PRKCZ: variants seen among roughly 807,000 people sequenced by gnomAD.
The protein encoded by PRKCZ is protein kinase C zeta.
A neutral mutation model predicts 79.5 loss-of-function variants in PRKCZ; 33 were observed. The observed-to-expected ratio is 0.41, with a 90% CI of 0.31 to 0.55. The LOEUF (loss-of-function observed/expected upper bound fraction) is 0.55, where lower values mean the gene tolerates loss of function less well. Ranked by LOEUF, PRKCZ falls within the 20% of genes least tolerant of loss-of-function variation. PRKCZ has a pLI of 0.19. For synonymous variants in PRKCZ, 342 were observed against 320.9 expected (o/e 1.07, Z -0.70); for missense variants, 578 against 813.5 (o/e 0.71, Z 3.52).
chr1:2,183,513 G>GT (rs1687055974), intron 16 of PRKCZ: 2 of 152,312 alleles, frequency 1.3e-5, no homozygotes, highest in Admixed American at 1.3e-4. Flanking sequence ...ATGGGAGTGG[G>GT]TTAGAGAGTG....
intron 4 of PRKCZ, chr1:2,111,655 G>A (rs918840607): frequency 2.0e-5 from 3 of 152,278 alleles, no homozygotes; most frequent in African/African-American, 7.2e-5. Flanking sequence ...TGAGGAACTG[G>A]CGGGGCTGCT....
At chr1:2,157,085 C>T (rs778895416) in intron 10 of PRKCZ, among the ~76,000 whole-genome samples, 6 of 152,192 alleles carry the variant, frequency 3.9e-5, no homozygotes, top group Non-Finnish European at 7.3e-5. Flanking sequence ...GCTTCCAGTC[C>T]GGGTCTGAAG....
At chr1:2,142,716 G>A in intron 5 of PRKCZ, 1 of 163,246 alleles carries the variant, frequency 6.1e-6, no homozygotes. Context: ...TGATGCATGT[G>A]TGTTTTCTTA....
At position 2,172,797 on chromosome 1, in the gene PRKCZ, C is replaced by T. The variant is rs1032741351; in HGVS notation, c.1285+409C>T. Among the ~76,000 whole-genome samples, 3 of 152,202 alleles carry T rather than the reference C, an allele frequency of 2.0e-5. No individual in the cohort carries two copies. Among genetic ancestry groups the T allele is most frequent in the East Asian group, 1.9e-4 (1 of 5,194 alleles). ...CCACAGGCCCTGCGGCTGAGGACGC[C>T]GTGCACACCAGAGTGTTTCTGCTCC... On this transcript the variant is annotated intron_variant, in intron 13 of 17. Coordinates refer to ENST00000378567, the MANE Select transcript of PRKCZ (RefSeq NM_002744.6). This position sits in a 1 kb window ranked among gnomAD's most constrained non-coding sequence, Gnocchi z 7.8.
intron 4 of PRKCZ, among the ~76,000 whole-genome samples, chr1:2,084,378 C>T (rs1040022390): frequency 6.6e-6 from 1 of 151,294 alleles, no homozygotes; most frequent in Non-Finnish European, 1.5e-5. Context: ...GTGCTGTCCG[C>T]TTCGGATTAT....
In PRKCZ at chr1:2,178,561, G is replaced by T. The variant is rs1238139235; in HGVS notation, c.1575+3248G>T. Among the ~76,000 whole-genome samples, 1 of 152,214 alleles carries T rather than the reference G, an allele frequency of 6.6e-6. No homozygotes were observed. The highest frequency in any genetic ancestry group is 1.5e-5 in the Non-Finnish European group (1 of 68,042). ...TGTGAACCCGCTTCTGGGTGGACACGTGTTTATTTCTCTTGGGCACGTGCT... is the reference window on the plus strand; with the variant it reads ...TGTGAACCCGCTTCTGGGTGGACACTTGTTTATTTCTCTTGGGCACGTGCT... On this transcript the variant is annotated intron_variant, in intron 16 of 17. Coordinates refer to ENST00000378567, the MANE Select transcript of PRKCZ (RefSeq NM_002744.6). The surrounding 1 kb of genome is among the most constrained non-coding windows in gnomAD (Gnocchi z 4.3).
At chr1:2,064,882 A>G (rs1360668839) in intron 4 of PRKCZ, among the ~76,000 whole-genome samples, 1 of 152,244 alleles carries the variant, frequency 6.6e-6, no homozygotes, top group African/African-American at 2.4e-5. Context: ...CTATTTCTGC[A>G]AAAAACATTA....
chr1:2,096,224 C>T (rs1041436977), intron 4 of PRKCZ, among the ~76,000 whole-genome samples: 16 of 151,910 alleles, frequency 1.1e-4, no homozygotes, highest in Admixed American at 3.3e-4. Flanking sequence ...TTCATCCCTC[C>T]GATCGGGCAG....
In PRKCZ at chr1:2,173,596, G is replaced by A. The variant is rs746061646; in HGVS notation, c.1286-301G>A. Among the ~76,000 whole-genome samples, 1 of 152,254 alleles carries A rather than the reference G, an allele frequency of 6.6e-6. No individual in the cohort carries two copies. The highest frequency in any genetic ancestry group is 1.5e-5 in the Non-Finnish European group (1 of 68,044). ...GTAGAAGCAGAAACGAGAGAGGAGGGTCGTCCGCAGGTTCCACCAGTGCCT... is the reference window on the plus strand; with the variant it reads ...GTAGAAGCAGAAACGAGAGAGGAGGATCGTCCGCAGGTTCCACCAGTGCCT... On this transcript the variant is annotated intron_variant, in intron 13 of 17. Coordinates refer to ENST00000378567, the MANE Select transcript of PRKCZ (RefSeq NM_002744.6). This position sits in a 1 kb window ranked among gnomAD's most constrained non-coding sequence, Gnocchi z 5.7.
rs1445464955 is a variant in PRKCZ, at chr1:2,172,462, G to C, written c.1285+74G>C. On this transcript the variant is annotated intron_variant, in intron 13 of 17. Coordinates refer to ENST00000378567, the MANE Select transcript of PRKCZ (RefSeq NM_002744.6). This position sits in a 1 kb window ranked among gnomAD's most constrained non-coding sequence, Gnocchi z 7.8. Reference sequence around the variant, plus strand: ...GGCTTCGGGCCTGGCCCAGCAGCCAGGGAGAGGTGTCCTTGACCATCTTAC... The same window carrying C: ...GGCTTCGGGCCTGGCCCAGCAGCCACGGAGAGGTGTCCTTGACCATCTTAC... The C allele has an allele frequency of 1.4e-6, 2 of 1,465,622 alleles. No homozygotes were observed. Among genetic ancestry groups the C allele is most frequent in the Non-Finnish European group, 1.8e-6 (2 of 1,083,956 alleles). 90.8% of individuals were successfully genotyped at this position (1,465,622 alleles called of 1,614,324 possible). A position where few individuals can be genotyped will look rare whatever the true frequency, so the allele number is the denominator to read the frequency against.
chr1:2,122,930 C>T (rs796245302), intron 4 of PRKCZ, among the ~76,000 whole-genome samples: 1 of 1,198 alleles, frequency 8.3e-4, no homozygotes, highest in Non-Finnish European at 1.2e-3. Flanking sequence ...GTTAGGGTCA[C>T]GGCGGTGGTT....
intron 11 of PRKCZ, chr1:2,171,729 TC>T (rs1272551665): frequency 9.6e-6 from 3 of 313,346 alleles, no homozygotes; most frequent in Non-Finnish European, 1.2e-5. Flanking sequence ...TGTTCTGCAC[TC>T]CTACCACAAC....
intron 4 of PRKCZ, among the ~76,000 whole-genome samples, chr1:2,066,326 T>A (rs758134222): frequency 1.3e-5 from 2 of 152,214 alleles, no homozygotes; most frequent in Non-Finnish European, 2.9e-5. Flanking sequence ...CATCAGTCCC[T>A]GGGCTTTGCT....
chr1:2,153,247 T>C (rs767223326), intron 9 of PRKCZ, among the ~76,000 whole-genome samples: 19 of 152,372 alleles, frequency 1.2e-4, no homozygotes, highest in Admixed American at 1.2e-3. Flanking sequence ...TGTTGGCTTC[T>C]GGTATTTTTG....
intron 9 of PRKCZ, among the ~76,000 whole-genome samples, chr1:2,152,720 G>A (rs1471588753): frequency 2.0e-5 from 3 of 152,176 alleles, no homozygotes; most frequent in Admixed American, 6.5e-5. Context: ...TTCTTCCTCT[G>A]CGGACTTCCG....
intron 10 of PRKCZ, among the ~76,000 whole-genome samples, chr1:2,159,568 G>T (rs1304390971): frequency 6.6e-6 from 1 of 152,240 alleles, no homozygotes; most frequent in Non-Finnish European, 1.5e-5. Context: ...GGGTCTGTGA[G>T]TGGGGAAGAA....
At chr1:2,103,697 A>G (rs2102614806) in intron 4 of PRKCZ, among the ~76,000 whole-genome samples, 1 of 152,326 alleles carries the variant, frequency 6.6e-6, no homozygotes, top group East Asian at 1.9e-4. Context: ...GCAACACTGC[A>G]CTCTGGCCTG....
At chr1:2,111,717 A>G (rs1464559405) in intron 4 of PRKCZ, 1 of 152,300 alleles carries the variant, frequency 6.6e-6, no homozygotes, top group Non-Finnish European at 1.5e-5. Context: ...TCGACTCCCC[A>G]CCAGCCAGAC....
intron 4 of PRKCZ, chr1:2,133,852 G>A (rs1329538474): frequency 6.6e-6 from 1 of 152,384 alleles, no homozygotes; most frequent in Non-Finnish European, 1.5e-5. Flanking sequence ...ACCTGCCGTA[G>A]GCTGGTTAGG....
Sources: allele counts gnomAD v4.1 joint callset (sites outside exome capture counted in the v4.1 genomes callset), GRCh38; gene constraint gnomAD v4.1.1; non-coding constraint Gnocchi (gnomAD v3.1); transcripts MANE v1.5; gene names NCBI Gene and HGNC (gene_info 2026-07-23, HGNC 2026-07-21).